CADM2: variants seen among roughly 807,000 people sequenced by gnomAD.
CADM2 encodes the protein immunoglobulin superfamily member 4D.
A neutral mutation model predicts 49.8 loss-of-function variants in CADM2; 12 were observed. The observed-to-expected ratio is 0.24, with a 90% CI of 0.15 to 0.39. CADM2 has a LOEUF of 0.39. Ranked by LOEUF, CADM2 falls within the 10% of genes least tolerant of loss-of-function variation. The pLI is 1.00. For missense variants in CADM2, 378 were observed against 492.3 expected, an observed-to-expected ratio of 0.77 and a Z score of 2.20; for synonymous variants, 214 against 175.4, an observed-to-expected ratio of 1.22 and a Z score of -1.74.
intron 1 of CADM2, among the ~76,000 whole-genome samples, chr3:85,025,781 A>T (rs2107307039): frequency 6.6e-6 from 1 of 152,254 alleles, no homozygotes; most frequent in African/African-American, 2.4e-5. Context: ...AAACAAAGTT[A>T]TCAATTCTGA....
At chr3:85,453,364 T>C (rs1457752670) in intron 1 of CADM2, among the ~76,000 whole-genome samples, 1 of 152,124 alleles carries the variant, frequency 6.6e-6, no homozygotes, top group Non-Finnish European at 1.5e-5. Flanking sequence ...GTTTTTCCTC[T>C]GGTGTATTAA....
intron 8 of CADM2, among the ~76,000 whole-genome samples, chr3:86,047,843 C>T (rs900868738): frequency 9.9e-5 from 15 of 152,098 alleles, no homozygotes; most frequent in African/African-American, 3.6e-4. Flanking sequence ...ACAACTTCTA[C>T]AATTAAACTT....
At chr3:85,049,722 T>C (rs939928284) in intron 1 of CADM2, among the ~76,000 whole-genome samples, 10 of 152,192 alleles carry the variant, frequency 6.6e-5, no homozygotes, top group African/African-American at 2.4e-4. Context: ...AGAATCTATA[T>C]TTAGATTGCA....
intron 1 of CADM2, among the ~76,000 whole-genome samples, chr3:85,467,319 TTG>T (rs1469446940): frequency 6.6e-6 from 1 of 152,200 alleles, no homozygotes; most frequent in Non-Finnish European, 1.5e-5. Context: ...AAACTTCTTT[TTG>T]TATCATTTAT....
chr3:86,040,812 T>G (rs1487741393), intron 8 of CADM2, among the ~76,000 whole-genome samples: 1 of 151,884 alleles, frequency 6.6e-6, no homozygotes, highest in African/African-American at 2.4e-5. Context: ...AAGGAAAAAA[T>G]GTTAAGGGCA....
chr3:85,364,578 C>A (rs1245219241), intron 1 of CADM2, among the ~76,000 whole-genome samples: 1 of 152,150 alleles, frequency 6.6e-6, no homozygotes, highest in South Asian at 2.1e-4. Flanking sequence ...GATTAAAGCA[C>A]ATCATACCTC....
At position 85,843,897 on chromosome 3, in the gene CADM2, T is replaced by TG. The variant is rs915915212; in HGVS notation, c.239-39386dup. Among the ~76,000 whole-genome samples, 208 of 150,792 alleles carry TG rather than the reference T, an allele frequency of 1.4e-3. 1 individual carries two copies. The highest frequency in any genetic ancestry group is 3.9e-3 in the African/African-American group (157 of 40,728). ...AGTTTCATGTGAGTGTATGTGTGTG[T>TG]GGGGGGGGAGCGGTTACTAAAAAAA... On this transcript the variant is annotated intron_variant, in intron 3 of 9. Coordinates refer to ENST00000383699, the MANE Select transcript of CADM2 (RefSeq NM_001167675.2).
At chr3:85,062,014 T>C (rs1431277785) in intron 1 of CADM2, among the ~76,000 whole-genome samples, 1 of 151,614 alleles carries the variant, frequency 6.6e-6, no homozygotes, top group African/African-American at 2.4e-5. Context: ...ACACACATTC[T>C]GTCTCTCTGT....
intron 1 of CADM2, among the ~76,000 whole-genome samples, chr3:85,411,735 C>T (rs748386590): frequency 8.5e-5 from 13 of 152,198 alleles, no homozygotes; most frequent in Non-Finnish European, 1.8e-4. Context: ...ATTGACCTTA[C>T]GAAAGACAGA....
chr3:84,962,987 A>T (rs17022122), intron 1 of CADM2, among the ~76,000 whole-genome samples: 8,940 of 152,122 alleles, frequency 0.059, 922 homozygotes, highest in African/African-American at 0.2. Context: ...AGTTTTTTTT[A>T]AAAGGCTTAC....
intron 3 of CADM2, among the ~76,000 whole-genome samples, chr3:85,816,406 A>C (rs1163685461): frequency 6.6e-6 from 1 of 152,058 alleles, no homozygotes; most frequent in Non-Finnish European, 1.5e-5. Context: ...TATAGGCAGG[A>C]GTGTGTGTAC....
At chr3:85,823,673 G>C (rs886569534) in intron 3 of CADM2, among the ~76,000 whole-genome samples, 2 of 152,028 alleles carry the variant, frequency 1.3e-5, no homozygotes, top group Non-Finnish European at 1.5e-5. Context: ...TTTAATTTAC[G>C]AGAGCTATTA....
At chr3:85,175,919 CTTTTTTTTTTTTTTTT>C (rs11329456) in intron 1 of CADM2, among the ~76,000 whole-genome samples, 3 of 76,264 alleles carry the variant, frequency 3.9e-5, no homozygotes, top group South Asian at 4.9e-4. Flanking sequence ...ATGTCCTAAT[CTTTTTTTTTTTTTTTT>C]TTTTTTTTTT....
rs1250169221 is a variant in CADM2, at chr3:85,969,993, ATACACT to A, written c.970+8347_970+8352del. Among the ~76,000 whole-genome samples, 95 of 17,404 alleles carry A rather than the reference ATACACT, an allele frequency of 5.5e-3. 1 individual carries two copies. The African/African-American group carries it at 0.077, about 14-fold the overall frequency. 11.4% of individuals were successfully genotyped at this position (17,404 alleles called of 152,430 possible). ...TGAGTGTATATATATATATACACTC[ATACACT>A]CACACACACACACAAACAGCCTTGA... is the stretch of plus-strand genomic sequence containing the variant. On this transcript the variant is annotated intron_variant, in intron 8 of 9. Transcript: ENST00000383699.
chr3:85,961,566 A>G lies in CADM2; in HGVS notation c.889A>G (p.Lys297Glu). The G allele has an allele frequency of 6.2e-7, 1 of 1,611,002 alleles. No individual in the cohort carries two copies. Among genetic ancestry groups the G allele is most frequent in the Non-Finnish European group, 8.5e-7 (1 of 1,177,820 alleles). Reference protein sequence around the residue: ...GRELNILFLNKTDNGTYRCEA... With the variant: ...GRELNILFLNETDNGTYRCEA... ...GGAGCTAAACATTCTTTTCCTGAAC[A>G]AAACGGATAATGGTACATATCGATG... The change falls in exon 8 of 10, where the codon AAA (lysine) becomes GAA (glutamate). Residue 297 changes from lysine (K) to glutamate (E), a missense_variant. Transcript: ENST00000383699.
At chr3:85,286,497 A>G (rs2106911876) in intron 1 of CADM2, among the ~76,000 whole-genome samples, 1 of 152,234 alleles carries the variant, frequency 6.6e-6, no homozygotes. Context: ...AGTTTGAGTG[A>G]ATTCAGCCCA....
At position 85,881,270 on chromosome 3, in the gene CADM2, G is replaced by T. The variant is rs1012688641; in HGVS notation, c.239-2021G>T. Reference sequence around the variant, plus strand: ...TTTTAATAACATTTTTCATGCTAAGGTTTTCTGTTTTTTTTATTTGTGTCA... The same window carrying T: ...TTTTAATAACATTTTTCATGCTAAGTTTTTCTGTTTTTTTTATTTGTGTCA... On this transcript the variant is annotated intron_variant, in intron 3 of 9. Coordinates refer to ENST00000383699, the MANE Select transcript of CADM2 (RefSeq NM_001167675.2). 2.6e-5 allele frequency among the ~76,000 whole-genome samples: 4 copies of T among 151,536 alleles called. No homozygotes were observed. In the South Asian group the frequency reaches 6.2e-4, roughly 24 times the overall value.
chr3:85,326,214 A>G (rs1267653364), intron 1 of CADM2, among the ~76,000 whole-genome samples: 1 of 152,178 alleles, frequency 6.6e-6, no homozygotes, highest in Non-Finnish European at 1.5e-5. Flanking sequence ...TCTTCATTTC[A>G]AGTGTTTTGT....
intron 5 of CADM2, among the ~76,000 whole-genome samples, chr3:85,901,308 T>C (rs1716089700): frequency 6.6e-6 from 1 of 152,252 alleles, no homozygotes; most frequent in Non-Finnish European, 1.5e-5. Flanking sequence ...AATGAGTTGG[T>C]AAATTACCTT....
Sources: allele counts gnomAD v4.1 joint callset (sites outside exome capture counted in the v4.1 genomes callset), GRCh38; gene constraint gnomAD v4.1.1; transcripts MANE v1.5; gene names NCBI Gene and HGNC (gene_info 2026-07-23, HGNC 2026-07-21).